Variants in PRKD3 observed in about 807,000 individuals in gnomAD.
PRKD3 encodes the protein protein kinase D3.
A neutral mutation model predicts 99.2 loss-of-function variants in PRKD3; 47 were observed. That is an observed-to-expected ratio of 0.47 (90% CI 0.38 to 0.60). The LOEUF is 0.60. Among genes scored for constraint, PRKD3 ranks in the 20% least tolerant of loss-of-function variants. PRKD3 has a pLI of 0.00. For missense variants in PRKD3, 1,019 were observed against 1,088.4 expected (o/e 0.94, Z 0.90); for synonymous variants, 392 against 355.4 (o/e 1.10, Z -1.16).
At chr2:37,290,433 C>T (rs1291387584) in intron 4 of PRKD3, among the ~76,000 whole-genome samples, 1 of 152,136 alleles carries the variant, frequency 6.6e-6, no homozygotes, top group African/African-American at 2.4e-5. Flanking sequence ...AGGGTTTCGC[C>T]ATGTTGGCCA....
intron 8 of PRKD3, chr2:37,278,951 G>T (rs1387361549): frequency 6.7e-6 from 1 of 149,210 alleles, no homozygotes; most frequent in Non-Finnish European, 1.5e-5. Context: ...AAAAAAAACA[G>T]AAACCAAAAA....
At chr2:37,312,513 G>A (rs1411019267) in intron 2 of PRKD3, among the ~76,000 whole-genome samples, 1 of 152,150 alleles carries the variant, frequency 6.6e-6, no homozygotes, top group Non-Finnish European at 1.5e-5. Flanking sequence ...CTCTTATAGT[G>A]TAAATAAGAG....
chr2:37,314,771 T>C (rs1671585109), intron 2 of PRKD3, among the ~76,000 whole-genome samples: 4 of 152,112 alleles, frequency 2.6e-5, no homozygotes, highest in Admixed American at 2.6e-4. Context: ...TGTATTTAAG[T>C]TTAAAAATTA....
chr2:37,260,747 C>T (rs991574001), intron 14 of PRKD3, among the ~76,000 whole-genome samples: 2 of 152,104 alleles, frequency 1.3e-5, no homozygotes, highest in Non-Finnish European at 2.9e-5. Context: ...ACACAGAAAC[C>T]TTTGACTCTT....
chr2:37,313,619 A>T (rs1027703715), intron 2 of PRKD3, among the ~76,000 whole-genome samples: 2 of 152,222 alleles, frequency 1.3e-5, no homozygotes, highest in Admixed American at 1.3e-4. Context: ...GAAAACAGAG[A>T]GGTCATAAGT....
chr2:37,257,074 A>G (rs2148483487), intron 16 of PRKD3, 145 bp from the exon 17 acceptor site: 1 of 963,060 alleles, frequency 1.0e-6, no homozygotes, highest in South Asian at 1.7e-5. Flanking sequence ...AGGAAATTGT[A>G]AAATATCCTT....
At position 37,316,467 on chromosome 2, in the gene PRKD3, G is replaced by C. The variant is rs1193071564; in HGVS notation, c.58C>G (p.Pro20Ala). 3 of 1,613,966 alleles carry C rather than the reference G, an allele frequency of 1.9e-6. No individual in the cohort carries two copies. In the East Asian group the frequency reaches 6.7e-5, roughly 36 times the overall value. ...GGAGAAGCAGCTGGAAGCACAGCAG[G>C]AATAGCTGTGGGTAATACAGACTTC... Reference protein sequence around the residue: ...AQKSVLPTAIPAVLPAASPCS... With the variant: ...AQKSVLPTAIAAVLPAASPCS... Residue 20 changes from proline (P) to alanine (A), a missense_variant, in exon 2 of 19, where the codon CCT (proline) becomes GCT (alanine). This residue lies in a region of PRKD3 where 710 missense variants were observed against 692.7 expected (regional missense o/e 1.02). Coordinates refer to ENST00000234179, the MANE Select transcript of PRKD3 (RefSeq NM_005813.6).
At chr2:37,273,871 A>T (rs577339377) in intron 11 of PRKD3, among the ~76,000 whole-genome samples, 1 of 152,354 alleles carries the variant, frequency 6.6e-6, no homozygotes, top group South Asian at 2.1e-4. Context: ...GCTTAATTAT[A>T]TAAGTTTTGT....
At chr2:37,262,190 A>C (rs1188099903) in intron 14 of PRKD3, among the ~76,000 whole-genome samples, 1 of 152,142 alleles carries the variant, frequency 6.6e-6, no homozygotes, top group East Asian at 1.9e-4. Context: ...TGATTATGCT[A>C]GGGGGACTCA....
chr2:37,296,183 G>A (rs367794235), intron 2 of PRKD3, among the ~76,000 whole-genome samples: 8 of 152,254 alleles, frequency 5.3e-5, no homozygotes, highest in East Asian at 3.9e-4. Flanking sequence ...CAAACCAGAA[G>A]TTCTGAATAA....
At chr2:37,303,333 G>A (rs1382166371) in intron 2 of PRKD3, among the ~76,000 whole-genome samples, 1 of 152,100 alleles carries the variant, frequency 6.6e-6, no homozygotes, top group Non-Finnish European at 1.5e-5. Flanking sequence ...ACAAGTGCCA[G>A]TACCCCAAAA....
chr2:37,256,669 A>G lies in PRKD3; in HGVS notation c.2406T>C (p.Ser802=). ...MYPPNPWREI[S]GEAIDLINNL... is the part of the protein sequence containing the mutation. Reference sequence around the variant, plus strand: ...TTTTTTTTTTTTTTTTACCTTCACCAGAAATTTCTCTCCATGGATTTGGTG... The same window carrying G: ...TTTTTTTTTTTTTTTTACCTTCACCGGAAATTTCTCTCCATGGATTTGGTG... The change falls in exon 17 of 19, where the codon TCT becomes TCC. Residue 802 remains serine (S), a synonymous_variant. Coordinates refer to ENST00000234179, the MANE Select transcript of PRKD3 (RefSeq NM_005813.6). 1 of 1,259,740 alleles carries G rather than the reference A, an allele frequency of 7.9e-7. No individual in the cohort carries two copies. Among genetic ancestry groups the G allele is most frequent in the Non-Finnish European group, 1.1e-6 (1 of 940,646 alleles). 78.0% of individuals were successfully genotyped at this position (1,259,740 alleles called of 1,614,324 possible). A position where few individuals can be genotyped will look rare whatever the true frequency, so the allele number is the denominator to read the frequency against.
At chr2:37,253,810 T>A (rs1372660690) in intron 18 of PRKD3, among the ~76,000 whole-genome samples, 6 of 152,196 alleles carry the variant, frequency 3.9e-5, no homozygotes, top group Non-Finnish European at 7.3e-5. Flanking sequence ...ACTCTGAAGT[T>A]TGGAGGGTAT....
At chr2:37,303,949 A>G (rs1034467725) in intron 2 of PRKD3, among the ~76,000 whole-genome samples, 1 of 152,200 alleles carries the variant, frequency 6.6e-6, no homozygotes, top group Non-Finnish European at 1.5e-5. Flanking sequence ...CAGCATCACA[A>G]GTTTCTTCAA....
Position 37,282,203 on chromosome 2 carries a change from T to A in PRKD3, c.988+339A>T, listed in dbSNP as rs755696853. ...TTAAAGAGTTTAGAACAGTGCCTGG[T>A]ATAGCAAGCAGTTAGTACATATTAG... On this transcript the variant is annotated intron_variant, in intron 7 of 18. Transcript: ENST00000234179. 180 of 199,548 alleles carry A rather than the reference T, an allele frequency of 9.0e-4. 1 individual carries two copies. The highest frequency in any genetic ancestry group is 2.0e-3 in the Middle Eastern group (1 of 498). 12.4% of individuals were successfully genotyped at this position (199,548 alleles called of 1,614,324 possible). A position where few individuals can be genotyped will look rare whatever the true frequency, so the allele number is the denominator to read the frequency against.
At chr2:37,271,918 T>C (rs2148532699) in intron 12 of PRKD3, among the ~76,000 whole-genome samples, 1 of 152,346 alleles carries the variant, frequency 6.6e-6, no homozygotes, top group South Asian at 2.1e-4. Context: ...ACCAGCCAAC[T>C]TAATTTATTC....
chr2:37,279,895 T>C lies in PRKD3; in HGVS notation c.1023A>G (p.Pro341=). ...TTATGTCATTATTGTCAATATCCAT[T>C]GGTATATCTGTATCTGTTCCCAGAC... ...PSSLGTDTDI[P]MDIDNNDINS... is the part of the protein sequence containing the mutation. The change falls in exon 8 of 19, where the codon CCA becomes CCG. Residue 341 remains proline, a synonymous_variant. Coordinates refer to ENST00000234179, the MANE Select transcript of PRKD3 (RefSeq NM_005813.6). 1 of 1,612,504 alleles carries C rather than the reference T, an allele frequency of 6.2e-7. No individual in the cohort carries two copies. Among genetic ancestry groups the C allele is most frequent in the Non-Finnish European group, 8.5e-7 (1 of 1,179,176 alleles).
In PRKD3 at chr2:37,267,541, T is replaced by G; in HGVS notation, c.1778-5A>C. On this transcript the variant is annotated splice_polypyrimidine_tract_variant and splice_region_variant and intron_variant, in intron 13 of 18. Coordinates refer to ENST00000234179, the MANE Select transcript of PRKD3 (RefSeq NM_005813.6). ...TCCCAGTCTTTCTATGTTTTCCTAT[T>G]AAGAAAAAAAGAAGAGGAACGAATG... 1 of 1,588,614 alleles carries G rather than the reference T, an allele frequency of 6.3e-7. No homozygotes were observed.
chr2:37,268,439 T>C, intron 13 of PRKD3: 1 of 451,080 alleles, frequency 2.2e-6, no homozygotes, highest in East Asian at 7.0e-5. Flanking sequence ...GCGACTGCTT[T>C]ATGTCACAAT....
Sources: gnomAD v4.1 joint callset for allele counts (sites outside exome capture counted in the v4.1 genomes callset) on GRCh38, gnomAD v4.1.1 for gene constraint, gnomAD v4.1.1 regional missense constraint, MANE v1.5 for transcripts, NCBI Gene and HGNC (gene_info 2026-07-23, HGNC 2026-07-21) for gene names.